PIP5K1C: variants seen among roughly 807,000 people sequenced by gnomAD.
PIP5K1C encodes phosphatidylinositol-4-phosphate 5-kinase type 1 gamma, also known as phosphatidylinositol 4-phosphate 5-kinase type-1 gamma.
Under a neutral mutation model 80.1 loss-of-function variants are expected in PIP5K1C, and 45 were observed. The observed-to-expected ratio is 0.56, with a 90% confidence interval of 0.44 to 0.72. PIP5K1C has a LOEUF of 0.72. PIP5K1C is among the 30% of genes least tolerant of loss of function. The pLI is 0.00. For synonymous variants in PIP5K1C, 498 were observed against 420.1 expected, an observed-to-expected ratio of 1.19 and a Z score of -2.27; for missense variants, 753 against 954.6, an observed-to-expected ratio of 0.79 and a Z score of 2.78.
At position 3,631,354 on chromosome 19, in the gene PIP5K1C, C is replaced by G. The variant is rs190927236; in HGVS notation, c.*1813G>C. Reference sequence around the variant, plus strand: ...CTGCTGGCCATCCAGGTCCCAGACACCCCTTCTGACCTCTGCCCCTGCCTC... The same window carrying G: ...CTGCTGGCCATCCAGGTCCCAGACAGCCCTTCTGACCTCTGCCCCTGCCTC... On this transcript the variant is annotated 3_prime_UTR_variant, in exon 18 of 18. Coordinates refer to ENST00000335312, the MANE Select transcript of PIP5K1C (RefSeq NM_012398.3). 1 of 152,578 alleles carries G rather than the reference C, an allele frequency of 6.6e-6. No homozygotes were observed. Among genetic ancestry groups the G allele is most frequent in the African/African-American group, 2.4e-5 (1 of 41,450 alleles). 9.5% of individuals were successfully genotyped at this position (152,578 alleles called of 1,614,324 possible).
chr19:3,684,753 A>G (rs1009632231), intron 1 of PIP5K1C, among the ~76,000 whole-genome samples: 2 of 152,310 alleles, frequency 1.3e-5, no homozygotes, highest in East Asian at 1.9e-4. Flanking sequence ...GCTGAAGGTC[A>G]CCCGGCACGT....
intron 4 of PIP5K1C, 60 bp from the exon 5 acceptor site, chr19:3,661,143 C>T (rs910408154): frequency 2.9e-5 from 33 of 1,144,302 alleles, no homozygotes; most frequent in Middle Eastern, 2.1e-4. Flanking sequence ...CCCCCACCCC[C>T]GCCATGGTCC....
chr19:3,645,890 G>A lies in PIP5K1C; in HGVS notation c.1345+84C>T, dbSNP rs555404128. On this transcript the variant is annotated intron_variant, in intron 11 of 17. Coordinates refer to ENST00000335312, the MANE Select transcript of PIP5K1C (RefSeq NM_012398.3). ...TACTGCCCTGCCCAGGGGGCTCTCG[G>A]CCTCCCGCAGAGTCCCTCCTGCCCC... 54 of 1,050,324 alleles carry A rather than the reference G, an allele frequency of 5.1e-5. No individual in the cohort carries two copies. In the East Asian group the frequency reaches 1.2e-3, roughly 24 times the overall value. 65.1% of individuals were successfully genotyped at this position (1,050,324 alleles called of 1,614,324 possible). A position where few individuals can be genotyped will look rare whatever the true frequency, so the allele number is the denominator to read the frequency against.
At chr19:3,677,704 A>AATGGAGGGATGGTGGG (rs2035404311) in intron 1 of PIP5K1C, among the ~76,000 whole-genome samples, 3 of 116,162 alleles carry the variant, frequency 2.6e-5, no homozygotes, top group Non-Finnish European at 5.5e-5. Context: ...GGGATGGCGG[A>AATGGAGGGATGGTGGG]ATGGAGGGAT....
chr19:3,642,568 C>A (rs1568313965), intron 14 of PIP5K1C, among the ~76,000 whole-genome samples: 1 of 152,218 alleles, frequency 6.6e-6, no homozygotes. Context: ...ACAAAACCCA[C>A]AGTCCCAGTG....
chr19:3,698,943 A>AC (rs1324924663), intron 1 of PIP5K1C, among the ~76,000 whole-genome samples: 20 of 20,020 alleles, frequency 1.0e-3, no homozygotes, highest in Non-Finnish European at 1.7e-3. Context: ...CCCCACCCCC[A>AC]CCCCCCCACT....
chr19:3,678,637 TGGAG>T (rs1458346637), intron 1 of PIP5K1C, among the ~76,000 whole-genome samples: 2 of 60,414 alleles, frequency 3.3e-5, no homozygotes, highest in African/African-American at 1.3e-4. Flanking sequence ...GATGGAAGGA[TGGAG>T]GGAGAGATGG....
Position 3,633,116 on chromosome 19 carries a change from G to T in PIP5K1C, c.*51C>A, listed in dbSNP as rs970875694. 1.1e-5 allele frequency: 8 copies of T among 742,062 alleles called. No homozygotes were observed. Among genetic ancestry groups the T allele is most frequent in the Non-Finnish European group, 2.0e-5 (8 of 399,544 alleles). The allele number at this position is 742,062 out of a possible 1,614,324, so 46.0% of individuals were successfully genotyped here. On this transcript the variant is annotated 3_prime_UTR_variant, in exon 18 of 18. Transcript: ENST00000335312. ...AGCGGGGTGGGCAGCGCCTTCGGGG[G>T]CAGCCGGAGCAGAAGTGGAGCTCGG... is the stretch of plus-strand genomic sequence containing the variant.
chr19:3,636,799 C>T (rs1389109733), intron 16 of PIP5K1C: 25 of 987,378 alleles, frequency 2.5e-5, no homozygotes, highest in Non-Finnish European at 3.0e-5. Flanking sequence ...GACACTCCTG[C>T]TTTGGGTCTG....
chr19:3,652,249 G>A (rs1178485662), intron 7 of PIP5K1C, among the ~76,000 whole-genome samples: 1 of 152,230 alleles, frequency 6.6e-6, no homozygotes, highest in Admixed American at 6.5e-5. Context: ...GAGAATGGGG[G>A]CTTCCAGCCT....
At position 3,632,763 on chromosome 19, in the gene PIP5K1C, G is replaced by T. The variant is rs542670547; in HGVS notation, c.*404C>A. On this transcript the variant is annotated 3_prime_UTR_variant, in exon 18 of 18. Coordinates refer to ENST00000335312, the MANE Select transcript of PIP5K1C (RefSeq NM_012398.3). ...AGGTCCCCAGAGGCCACCGCGAACAGCCTGGCTTCTTCCTCAGGACACAGG... is the reference window on the plus strand; with the variant it reads ...AGGTCCCCAGAGGCCACCGCGAACATCCTGGCTTCTTCCTCAGGACACAGG... The T allele has an allele frequency of 5.2e-5, 10 of 191,044 alleles. No individual in the cohort carries two copies. The Admixed American group carries it at 6.1e-4, about 12-fold the overall frequency. The allele number at this position is 191,044 out of a possible 1,614,324, so 11.8% of individuals were successfully genotyped here. A position where few individuals can be genotyped will look rare whatever the true frequency, so the allele number is the denominator to read the frequency against.
In PIP5K1C at chr19:3,653,426, C is replaced by T. The variant is rs373146128; in HGVS notation, c.785G>A (p.Arg262His). 8 of 1,613,380 alleles carry T rather than the reference C, an allele frequency of 5.0e-6. No individual in the cohort carries two copies. The highest frequency in any genetic ancestry group is 1.7e-5 in the Admixed American group (1 of 60,004). The change falls in exon 7 of 18, where the codon CGC becomes CAC. Residue 262 changes from arginine to histidine, a missense_variant. Arg to His is a conservative substitution (Grantham distance 29, BLOSUM62 0). Around this residue, in one of 6 missense-constraint regions of PIP5K1C, gnomAD observed 105 missense variants for 133.4 expected, o/e 0.79. Transcript: ENST00000335312. ...FDLKGSTYKR[R>H]ASKKEKEKSF... ...CTTCTCCTTCTCCTTCTTGCTGGCG[C>T]GCCGCTTGTAGGTGGAGCCCTTGAG...
intron 1 of PIP5K1C, among the ~76,000 whole-genome samples, chr19:3,678,307 CGGAGGGAT>C (rs1358075062): frequency 4.7e-5 from 2 of 42,812 alleles, no homozygotes; most frequent in Admixed American, 2.5e-4. Context: ...GATGGAGGGA[CGGAGGGAT>C]GGAGGGACGG....
At position 3,684,505 on chromosome 19, in the gene PIP5K1C, G is replaced by C. The variant is rs371114629; in HGVS notation, c.94+15792C>G. Among the ~76,000 whole-genome samples the C allele has an allele frequency of 4.0e-3, 611 of 152,320 alleles. 7 individuals carry two copies. The highest frequency in any genetic ancestry group is 0.014 in the African/African-American group (579 of 41,550). On this transcript the variant is annotated intron_variant, in intron 1 of 17. Transcript: ENST00000335312. Reference sequence around the variant, plus strand: ...TTGGAATCCCTCCAGTACGATGCTGGGGCCAGGCTGGAGGGTGGCAGCAAT... The same window carrying C: ...TTGGAATCCCTCCAGTACGATGCTGCGGCCAGGCTGGAGGGTGGCAGCAAT...
At position 3,648,516 on chromosome 19, in the gene PIP5K1C, GGGGCTGC is replaced by G; in HGVS notation, c.1211+102_1211+108del. 3 of 432,042 alleles carry G rather than the reference GGGGCTGC, an allele frequency of 6.9e-6. No homozygotes were observed. Among genetic ancestry groups the G allele is most frequent in the Non-Finnish European group, 1.3e-5 (3 of 227,074 alleles). The allele number at this position is 432,042 out of a possible 1,614,324, so 26.8% of individuals were successfully genotyped here. On this transcript the variant is annotated intron_variant, in intron 9 of 17. Coordinates refer to ENST00000335312, the MANE Select transcript of PIP5K1C (RefSeq NM_012398.3). This position sits in a 1 kb window ranked among gnomAD's most constrained non-coding sequence, Gnocchi z 4.3. The stretch of plus-strand genomic sequence containing the variant: ...ACTGCAGACCCAGGCGCCCACCTGT[GGGGCTGC>G]AGACCCGGGCGCCCACCTGTGGGGC...
chr19:3,648,361 G>A lies in PIP5K1C; in HGVS notation c.1211+264C>T, dbSNP rs945021699. Among the ~76,000 whole-genome samples the A allele has an allele frequency of 6.6e-6, 1 of 152,184 alleles. No individual in the cohort carries two copies. Among genetic ancestry groups the A allele is most frequent in the Admixed American group, 6.5e-5 (1 of 15,282 alleles). On this transcript the variant is annotated intron_variant, in intron 9 of 17. Transcript: ENST00000335312. The surrounding 1 kb of genome is among the most constrained non-coding windows in gnomAD (Gnocchi z 4.3). The stretch of plus-strand genomic sequence containing the variant: ...AAGGCGACCAAACACCTTCCCTTTA[G>A]GGCTCAAGAAGGGGCAGCCAAGCAA...
rs567975221 is a variant in PIP5K1C at position 3,645,883 on chromosome 19, G to A, written c.1345+91C>T. The A allele has an allele frequency of 4.5e-5, 43 of 948,808 alleles. 1 individual carries two copies. The East Asian group carries it at 9.5e-4, about 21-fold the overall frequency. 58.8% of individuals were successfully genotyped at this position (948,808 alleles called of 1,614,324 possible). ...CTGAGTTTACTGCCCTGCCCAGGGG[G>A]CTCTCGGCCTCCCGCAGAGTCCCTC... On this transcript the variant is annotated intron_variant, in intron 11 of 17. Transcript: ENST00000335312.
chr19:3,676,945 T>A (rs999013990), intron 1 of PIP5K1C, among the ~76,000 whole-genome samples: 2 of 151,422 alleles, frequency 1.3e-5, no homozygotes, highest in South Asian at 2.1e-4. Flanking sequence ...TACAAAAAAA[T>A]TTAAATATTA....
At chr19:3,693,914 T>C (rs2145618873) in intron 1 of PIP5K1C, among the ~76,000 whole-genome samples, 1 of 152,000 alleles carries the variant, frequency 6.6e-6, no homozygotes, top group Non-Finnish European at 1.5e-5. Flanking sequence ...ACAAAAAAGT[T>C]TTAAAAATTT....
Sources: gnomAD v4.1 joint callset for allele counts (sites outside exome capture counted in the v4.1 genomes callset) on GRCh38, gnomAD v4.1.1 for gene constraint, gnomAD v4.1.1 regional missense constraint, Gnocchi (gnomAD v3.1) non-coding constraint, MANE v1.5 for transcripts, NCBI Gene and HGNC (gene_info 2026-07-23, HGNC 2026-07-21) for gene names.